Variants in ATRNL1 observed in about 807,000 individuals in gnomAD.
ATRNL1 encodes attractin like 1, also known as attractin-like protein 1.
ATRNL1 carries 95 observed loss-of-function variants against 182.7 expected under a neutral mutation model. That is an observed-to-expected ratio of 0.52 (90% CI 0.44 to 0.62). The LOEUF is 0.62. Ranked by LOEUF, ATRNL1 falls within the 20% of genes least tolerant of loss-of-function variation. The pLI is 0.00. For missense variants in ATRNL1, 1,471 were observed against 1,679.5 expected, an observed-to-expected ratio of 0.88 and a Z score of 2.17; for synonymous variants, 576 against 568.3, an observed-to-expected ratio of 1.01 and a Z score of -0.19.
At chr10:115,294,980 G>A (rs1481770214) in intron 15 of ATRNL1, among the ~76,000 whole-genome samples, 3 of 152,152 alleles carry the variant, frequency 2.0e-5, no homozygotes, top group African/African-American at 7.2e-5. Context: ...CAGTGGGTAG[G>A]GCAACTTGCA....
At chr10:115,528,337 A>G (rs1399368972) in intron 25 of ATRNL1, among the ~76,000 whole-genome samples, 1 of 151,850 alleles carries the variant, frequency 6.6e-6, no homozygotes, top group East Asian at 1.9e-4. Context: ...CTATTCCTTT[A>G]TCATTCAATC....
At chr10:115,410,345 C>A (rs1845073036) in intron 20 of ATRNL1, among the ~76,000 whole-genome samples, 2 of 146,188 alleles carry the variant, frequency 1.4e-5, no homozygotes, top group Admixed American at 1.3e-4. Context: ...TTTTTTTTAA[C>A]AGAGTCTTGC....
At chr10:115,624,001 A>G (rs535750232) in intron 26 of ATRNL1, among the ~76,000 whole-genome samples, 1 of 152,276 alleles carries the variant, frequency 6.6e-6, no homozygotes, top group South Asian at 2.1e-4. Context: ...TATAGTCATA[A>G]TGAATATCTA....
chr10:115,848,082 C>T (rs1343926588), intron 28 of ATRNL1, 91 bp downstream of exon 28: 7 of 735,048 alleles, frequency 9.5e-6, no homozygotes, highest in South Asian at 1.6e-5. Context: ...GCAGTAAGGA[C>T]CTTTGCAAGG....
At chr10:115,232,216 T>C (rs1458373255) in intron 9 of ATRNL1, among the ~76,000 whole-genome samples, 3 of 152,170 alleles carry the variant, frequency 2.0e-5, no homozygotes, top group African/African-American at 7.2e-5. Flanking sequence ...CTACCAGGGG[T>C]GAATGACAGT....
chr10:115,818,106 G>T (rs1950208229), intron 27 of ATRNL1, among the ~76,000 whole-genome samples: 1 of 150,906 alleles, frequency 6.6e-6, no homozygotes, highest in African/African-American at 2.4e-5. Context: ...TCATTTTATT[G>T]CTTTCCAGGG....
intron 15 of ATRNL1, 35 bp downstream of exon 15, chr10:115,286,432 GC>G: frequency 7.8e-7 from 1 of 1,286,366 alleles, no homozygotes; most frequent in Non-Finnish European, 1.0e-6. Flanking sequence ...ATGGAAATAT[GC>G]TATGATAATT....
chr10:115,561,686 T>TGTGTGG (rs1397364485), intron 26 of ATRNL1, among the ~76,000 whole-genome samples: 6 of 109,528 alleles, frequency 5.5e-5, no homozygotes, highest in South Asian at 3.9e-4. Flanking sequence ...TGTGTGTGTG[T>TGTGTGG]GTGGGTGTGT....
chr10:115,593,358 A>G (rs1053625750), intron 26 of ATRNL1, among the ~76,000 whole-genome samples: 84 of 152,222 alleles, frequency 5.5e-4, no homozygotes, highest in Non-Finnish European at 2.2e-4. Flanking sequence ...CAAAACTACA[A>G]TAATTAAAAC....
chr10:115,180,401 T>C (rs1554887656), intron 8 of ATRNL1, among the ~76,000 whole-genome samples: 2 of 152,016 alleles, frequency 1.3e-5, no homozygotes, highest in African/African-American at 4.8e-5. Context: ...CATTATATAT[T>C]GCTGCAGTTA....
intron 19 of ATRNL1, among the ~76,000 whole-genome samples, chr10:115,349,719 T>A (rs1554940693): frequency 6.6e-6 from 1 of 152,192 alleles, no homozygotes; most frequent in Non-Finnish European, 1.5e-5. Context: ...TGAACATTTT[T>A]TCATAAACCT....
chr10:115,609,585 T>A (rs1857047583), intron 26 of ATRNL1, among the ~76,000 whole-genome samples: 1 of 152,202 alleles, frequency 6.6e-6, no homozygotes. Context: ...TGTTCTGAAA[T>A]ATACACAAAT....
intron 1 of ATRNL1, among the ~76,000 whole-genome samples, chr10:115,101,957 G>A (rs1843787942): frequency 6.6e-6 from 1 of 152,048 alleles, no homozygotes. Flanking sequence ...ATTTTTTTGG[G>A]CGTGTGAAAA....
chr10:115,490,473 A>AT (rs1849245155), intron 24 of ATRNL1, among the ~76,000 whole-genome samples: 4 of 151,820 alleles, frequency 2.6e-5, no homozygotes, highest in Admixed American at 2.6e-4. Flanking sequence ...CTTTGAGTTG[A>AT]TCTTCAATCT....
At chr10:115,509,611 G>A (rs537520154) in intron 24 of ATRNL1, among the ~76,000 whole-genome samples, 32 of 152,072 alleles carry the variant, frequency 2.1e-4, no homozygotes, top group African/African-American at 7.0e-4. Flanking sequence ...TTCCCCAGAA[G>A]CCTTGCAGAT....
chr10:115,323,605 TG>T (rs1387733571), intron 18 of ATRNL1, among the ~76,000 whole-genome samples: 3 of 151,502 alleles, frequency 2.0e-5, no homozygotes, highest in African/African-American at 4.9e-5. Flanking sequence ...CCACCACACC[TG>T]ACTAATTTTG....
At chr10:115,528,989 T>G (rs1851408351) in intron 25 of ATRNL1, among the ~76,000 whole-genome samples, 1 of 152,134 alleles carries the variant, frequency 6.6e-6, no homozygotes, top group African/African-American at 2.4e-5. Flanking sequence ...ACTTTGCACA[T>G]TTATCTTTTA....
At chr10:115,455,955 G>T (rs1241823227) in intron 21 of ATRNL1, among the ~76,000 whole-genome samples, 1 of 152,172 alleles carries the variant, frequency 6.6e-6, no homozygotes, top group Non-Finnish European at 1.5e-5. Context: ...ACACCAGTTA[G>T]AATGATGATC....
chr10:115,931,617 T>A (rs1255531484), intron 28 of ATRNL1, among the ~76,000 whole-genome samples: 1 of 152,188 alleles, frequency 6.6e-6, no homozygotes, highest in Non-Finnish European at 1.5e-5. Context: ...AAAGCAAGTT[T>A]TTTTCATCTT....
Sources: gnomAD v4.1 joint callset for allele counts (sites outside exome capture counted in the v4.1 genomes callset) on GRCh38, gnomAD v4.1.1 for gene constraint, MANE v1.5 for transcripts, NCBI Gene and HGNC (gene_info 2026-07-23, HGNC 2026-07-21) for gene names.